The following CHD9 variants were observed in gnomAD, a reference collection of about 807,000 sequenced individuals.
CHD9 encodes the protein chromodomain helicase DNA binding protein 9.
CHD9 carries 77 observed loss-of-function variants against 316.1 expected under a neutral mutation model. The ratio of observed to expected loss-of-function variants is 0.24; its 90% CI spans 0.20 to 0.29. The LOEUF (loss-of-function observed/expected upper bound fraction) is 0.29. Among genes scored for constraint, CHD9 ranks in the 10% least tolerant of loss-of-function variants. CHD9 has a pLI of 1.00. For missense variants in CHD9, 2,763 were observed against 3,438.1 expected (o/e 0.80, Z 4.91); for synonymous variants, 1,129 against 1,158.3 (o/e 0.97, Z 0.51).
chr16:53,161,123 T>C (rs1230157875), intron 2 of CHD9, among the ~76,000 whole-genome samples: 1 of 152,122 alleles, frequency 6.6e-6, no homozygotes, highest in Non-Finnish European at 1.5e-5. Context: ...CACTCTGTTC[T>C]CAAGTTTCCT....
chr16:53,279,503 A>C (rs774504901), intron 24 of CHD9, among the ~76,000 whole-genome samples: 1 of 152,196 alleles, frequency 6.6e-6, no homozygotes, highest in South Asian at 2.1e-4. Flanking sequence ...TAGAACTTGA[A>C]GTATAATAAT....
At chr16:53,287,216 T>G (rs185690235) in intron 26 of CHD9, among the ~76,000 whole-genome samples, 2 of 152,332 alleles carry the variant, frequency 1.3e-5, no homozygotes, top group Admixed American at 1.3e-4. Flanking sequence ...TCTTCCACCT[T>G]AGCCTTGGCT....
At chr16:53,153,497 G>A (rs1479624903) in intron 1 of CHD9, among the ~76,000 whole-genome samples, 2 of 152,044 alleles carry the variant, frequency 1.3e-5, no homozygotes, top group Non-Finnish European at 2.9e-5. Context: ...TAAAACAGTG[G>A]AGGAAACTTT....
chr16:53,234,356 A>G (rs1288063516), intron 10 of CHD9, among the ~76,000 whole-genome samples: 1 of 152,124 alleles, frequency 6.6e-6, no homozygotes, highest in African/African-American at 2.4e-5. Flanking sequence ...TAGTGCCTGC[A>G]GTACAATGTT....
In CHD9 at chr16:53,138,739, C is replaced by T. The variant is rs567811580; in HGVS notation, c.-164-17187C>T. The stretch of plus-strand genomic sequence containing the variant: ...GATTGAGAGAGCCATTTGGATTTGT[C>T]TAGAAGGTTAGTTACCTTTGAAAGT... On this transcript the variant is annotated intron_variant, in intron 1 of 38. Coordinates refer to ENST00000447540, the MANE Select transcript of CHD9 (RefSeq NM_001308319.2). Among the ~76,000 whole-genome samples the T allele has an allele frequency of 9.2e-5, 14 of 152,210 alleles. No individual in the cohort carries two copies. The South Asian group carries it at 2.3e-3, about 25-fold the overall frequency.
At chr16:53,255,894 AGTAGGT>A in intron 19 of CHD9, 115 bp downstream of exon 19, 1 of 928,092 alleles carries the variant, frequency 1.1e-6, no homozygotes, top group Non-Finnish European at 1.6e-6. Flanking sequence ...GCCAAGATGC[AGTAGGT>A]AATGTATTTT....
At chr16:53,162,364 T>A (rs2042028) in intron 2 of CHD9, among the ~76,000 whole-genome samples, 36,473 of 152,244 alleles carry the variant, frequency 0.24, 4,716 homozygotes, top group Middle Eastern at 0.32. Flanking sequence ...ATTTATCATC[T>A]CTAATTTTTG....
At chr16:53,061,299 C>T (rs924653377) in intron 1 of CHD9, among the ~76,000 whole-genome samples, 1 of 152,146 alleles carries the variant, frequency 6.6e-6, no homozygotes, top group Non-Finnish European at 1.5e-5. Flanking sequence ...AAGTGTTCAT[C>T]TGATTTGAGT....
intron 1 of CHD9, among the ~76,000 whole-genome samples, chr16:53,125,720 A>C (rs751083525): frequency 6.6e-6 from 1 of 152,370 alleles, no homozygotes; most frequent in African/African-American, 2.4e-5. Flanking sequence ...TGTATGATGG[A>C]CTGCGTTGCC....
chr16:53,321,732 G>A, intron 38 of CHD9, 102 bp downstream of exon 38: 1 of 714,596 alleles, frequency 1.4e-6, no homozygotes. Context: ...CCATGAATTT[G>A]TGACAGCATT....
At chr16:53,100,414 T>G (rs1250632943) in intron 1 of CHD9, among the ~76,000 whole-genome samples, 1 of 151,920 alleles carries the variant, frequency 6.6e-6, no homozygotes, top group African/African-American at 2.4e-5. Flanking sequence ...TCACTGTTCC[T>G]TTTGAATTAG....
intron 1 of CHD9, among the ~76,000 whole-genome samples, chr16:53,154,943 AT>A (rs973137792): frequency 2.6e-5 from 4 of 152,032 alleles, no homozygotes; most frequent in East Asian, 1.9e-4. Flanking sequence ...TCTCAAAAAA[AT>A]TTTTTTTCCT....
At chr16:53,155,756 CTCTA>C (rs1198210502) in intron 1 of CHD9, among the ~76,000 whole-genome samples, 166 bp from the exon 2 acceptor site, 1 of 152,154 alleles carries the variant, frequency 6.6e-6, no homozygotes, top group African/African-American at 2.4e-5. Flanking sequence ...TCTATTTTCT[CTCTA>C]TATATACTTG....
chr16:53,127,441 A>G (rs147384916), intron 1 of CHD9, among the ~76,000 whole-genome samples: 7 of 152,340 alleles, frequency 4.6e-5, no homozygotes, highest in African/African-American at 1.7e-4. Context: ...CAAATTAGTT[A>G]CTAAAATAGA....
In CHD9 at chr16:53,324,190, A is replaced by C; in HGVS notation, c.7989A>C (p.Leu2663=). Residue 2663 remains leucine, a synonymous_variant, in exon 39 of 39, where the codon CTA becomes CTC. Transcript: ENST00000447540. ...VSGNPLLANG[L]LPGVDLTTLQ... ...GCAATCCTTTGTTAGCCAATGGACT[A>C]CTTCCAGGTGTGGATCTCACAACTC... 6.2e-7 allele frequency: 1 copy of C among 1,614,032 alleles called. No individual in the cohort carries two copies. Among genetic ancestry groups the C allele is most frequent in the Non-Finnish European group, 8.5e-7 (1 of 1,179,888 alleles).
chr16:53,061,982 G>T (rs986665423), intron 1 of CHD9, among the ~76,000 whole-genome samples: 2 of 152,188 alleles, frequency 1.3e-5, no homozygotes, highest in African/African-American at 4.8e-5. Flanking sequence ...AATGGGAAAG[G>T]GATTTTTCCC....
At chr16:53,131,946 G>C (rs1374648868) in intron 1 of CHD9, among the ~76,000 whole-genome samples, 1 of 152,220 alleles carries the variant, frequency 6.6e-6, no homozygotes, top group African/African-American at 2.4e-5. Context: ...GGGTACCTGG[G>C]TGTGGGACCT....
intron 1 of CHD9, among the ~76,000 whole-genome samples, chr16:53,100,579 C>T (rs1037159084): frequency 9.2e-5 from 14 of 152,046 alleles, no homozygotes; most frequent in African/African-American, 3.1e-4. Flanking sequence ...CCGCCTCAGC[C>T]TCCCAAGTAG....
At chr16:53,283,366 G>T (rs1217372731) in intron 24 of CHD9, among the ~76,000 whole-genome samples, 4 of 152,284 alleles carry the variant, frequency 2.6e-5, no homozygotes, top group Admixed American at 2.0e-4. Context: ...TGCAAGAGAT[G>T]ACACAAGTTA....
Sources: gnomAD v4.1 joint callset for allele counts (sites outside exome capture counted in the v4.1 genomes callset) on GRCh38, gnomAD v4.1.1 for gene constraint, MANE v1.5 for transcripts, NCBI Gene and HGNC (gene_info 2026-07-23, HGNC 2026-07-21) for gene names.